Variants in ABCC8 observed in about 807,000 individuals in gnomAD.
ABCC8 encodes the protein ATP binding cassette subfamily C member 8, also known as ATP-binding cassette sub-family C member 8.
Under a neutral mutation model 188.0 loss-of-function variants are expected in ABCC8, and 137 were observed. The observed-to-expected ratio is 0.73, with a 90% confidence interval of 0.63 to 0.84. The LOEUF is 0.84. Among genes scored for constraint, ABCC8 ranks in the 40% least tolerant of loss-of-function variants. ABCC8 has a pLI of 0.00. For synonymous variants in ABCC8, 797 were observed against 846.5 expected (o/e 0.94, Z 1.01); for missense variants, 1,750 against 2,072.7 (o/e 0.84, Z 3.02).
intron 3 of ABCC8, among the ~76,000 whole-genome samples, chr11:17,467,106 A>G (rs1187433252): frequency 1.4e-5 from 2 of 146,938 alleles, no homozygotes; most frequent in South Asian, 2.1e-4. Context: ...TGCTGTTGGG[A>G]TAAAGGCAAA....
At chr11:17,410,124 C>T (rs774572532) in intron 22 of ABCC8, 12 of 169,248 alleles carry the variant, frequency 7.1e-5, no homozygotes, top group Admixed American at 1.2e-4. Context: ...TGCATCCATC[C>T]ACCCCGGGAA....
intron 16 of ABCC8, among the ~76,000 whole-genome samples, chr11:17,423,002 C>T (rs1036427324): frequency 6.6e-6 from 1 of 152,050 alleles, no homozygotes; most frequent in African/African-American, 2.4e-5. Flanking sequence ...CTCTCCTTGA[C>T]TGCAGAGTCA....
chr11:17,439,589 C>T (rs1434067884), intron 10 of ABCC8, among the ~76,000 whole-genome samples: 5 of 152,176 alleles, frequency 3.3e-5, no homozygotes, highest in South Asian at 2.1e-4. Flanking sequence ...CCCTACCACC[C>T]GTCTCTCTCC....
At chr11:17,413,660 A>T in intron 19 of ABCC8, 182 bp from the exon 20 acceptor site, 1 of 1,269,524 alleles carries the variant, frequency 7.9e-7, no homozygotes, top group Non-Finnish European at 1.1e-6. Flanking sequence ...TCAGCACTTC[A>T]CACAGCGTTT....
chr11:17,397,456 T>A, intron 31 of ABCC8, 143 bp from the exon 32 acceptor site: 1 of 1,507,968 alleles, frequency 6.6e-7, no homozygotes, highest in Non-Finnish European at 8.9e-7. Context: ...AGAGCAGCCC[T>A]CCCTGGAGGC....
rs190970928 is a variant in ABCC8, at chr11:17,454,744, G to A, written c.1012-1461C>T. On this transcript the variant is annotated intron_variant, in intron 6 of 38. Coordinates refer to ENST00000389817, the MANE Select transcript of ABCC8 (RefSeq NM_000352.6). The stretch of plus-strand genomic sequence containing the variant: ...AAAAGGAGTTTCAGTAGGGTTAGTG[G>A]CTGGCCCAAGGTCACATGCTGGTAA... Among the ~76,000 whole-genome samples the A allele has an allele frequency of 2.3e-4, 35 of 152,284 alleles. 1 individual carries two copies. The East Asian group carries it at 6.2e-3, about 27-fold the overall frequency.
At chr11:17,405,451 G>A (rs1954469079) in intron 27 of ABCC8, 43 bp downstream of exon 27, 1 of 1,613,640 alleles carries the variant, frequency 6.2e-7, no homozygotes, top group African/African-American at 1.3e-5. Flanking sequence ...AGGGGTCCGA[G>A]GTGTCTCTGG....
intron 29 of ABCC8, among the ~76,000 whole-genome samples, chr11:17,401,149 C>T (rs1954221076): frequency 6.6e-6 from 1 of 152,190 alleles, no homozygotes; most frequent in African/African-American, 2.4e-5. Flanking sequence ...CCCCAGGGCC[C>T]TCTGAGACAC....
At chr11:17,423,977 A>G (rs1226119823) in intron 16 of ABCC8, among the ~76,000 whole-genome samples, 1 of 152,202 alleles carries the variant, frequency 6.6e-6, no homozygotes, top group Non-Finnish European at 1.5e-5. Context: ...GGATATAATA[A>G]TATCTACTGC....
At chr11:17,408,878 A>T (rs1954669989) in intron 22 of ABCC8, among the ~76,000 whole-genome samples, 1 of 151,988 alleles carries the variant, frequency 6.6e-6, no homozygotes, top group Non-Finnish European at 1.5e-5. Flanking sequence ...CGGGTCTGGC[A>T]GCCTCCATCA....
chr11:17,420,347 C>G (rs529931911), intron 16 of ABCC8, among the ~76,000 whole-genome samples: 1 of 152,194 alleles, frequency 6.6e-6, no homozygotes, highest in African/African-American at 2.4e-5. Flanking sequence ...GTAACCTGCT[C>G]AAGGTCACAG....
chr11:17,408,164 T>C (rs1221422270), intron 23 of ABCC8: 5 of 474,374 alleles, frequency 1.1e-5, no homozygotes, highest in Non-Finnish European at 1.1e-5. Flanking sequence ...AACTAAATAG[T>C]ATCTGACTAC....
In ABCC8 at chr11:17,427,988, C is replaced by A; in HGVS notation, c.2041-46G>T. On this transcript the variant is annotated intron_variant, in intron 14 of 38. Coordinates refer to ENST00000389817, the MANE Select transcript of ABCC8 (RefSeq NM_000352.6). This position sits in a 1 kb window ranked among gnomAD's most constrained non-coding sequence, Gnocchi z 5.0. ...CGCCCAGGAGAGAACAGAAAGGCAG[C>A]CAGTTCCCAGTGAATAGTCTCTGGC... 1.2e-6 allele frequency: 2 copies of A among 1,601,958 alleles called. No individual in the cohort carries two copies. The highest frequency in any genetic ancestry group is 1.7e-6 in the Non-Finnish European group (2 of 1,174,048).
rs112901773 is a variant in ABCC8 at position 17,394,075 on chromosome 11, C to T, written c.4545+191G>A. 6.4e-3 allele frequency among the ~76,000 whole-genome samples: 971 copies of T among 152,030 alleles called. 7 individuals carry two copies. The highest frequency in any genetic ancestry group is 0.017 in the African/African-American group (695 of 41,450). ...TGTTTGCATAGTGTTTTTGTGTGTG[C>T]GTGTGTGTGTGTAACATTCCCTAAG... On this transcript the variant is annotated intron_variant, in intron 37 of 38. Coordinates refer to ENST00000389817, the MANE Select transcript of ABCC8 (RefSeq NM_000352.6).
In ABCC8 at chr11:17,461,596, A is replaced by G. The variant is rs1318975684; in HGVS notation, c.809T>C (p.Phe270Ser). ...GCCCCCACTGACCACCTGGGCGTCA[A>G]AGGCCTCGCAGAGCCGTTGGTAGTT... is the stretch of plus-strand genomic sequence containing the variant. Reference protein sequence around the residue: ...LTNYQRLCEAFDAQVRKDIQG... With the variant: ...LTNYQRLCEASDAQVRKDIQG... The change falls in exon 5 of 39, where the codon TTT becomes TCT. Residue 270 changes from phenylalanine to serine, a missense_variant. Phe to Ser is a radical substitution (Grantham distance 155). Transcript: ENST00000389817. 1 of 1,614,236 alleles carries G rather than the reference A, an allele frequency of 6.2e-7. No homozygotes were observed. The highest frequency in any genetic ancestry group is 8.5e-7 in the Non-Finnish European group (1 of 1,180,044).
At chr11:17,395,382 C>A in intron 35 of ABCC8, 107 bp from the exon 36 acceptor site, 3 of 1,539,018 alleles carry the variant, frequency 1.9e-6, no homozygotes, top group Middle Eastern at 1.8e-4. Context: ...GGAGGTCTGG[C>A]TGGGAGAAGC....
At chr11:17,440,688 C>T (rs11828717) in intron 10 of ABCC8, among the ~76,000 whole-genome samples, 2,769 of 152,328 alleles carry the variant, frequency 0.018, 84 homozygotes, top group African/African-American at 0.063. Flanking sequence ...GTATGGCAGA[C>T]GGCCCAGCCA....
intron 19 of ABCC8, among the ~76,000 whole-genome samples, 162 bp downstream of exon 19, chr11:17,414,350 C>G (rs1174480988): frequency 6.6e-6 from 1 of 152,172 alleles, no homozygotes; most frequent in Admixed American, 6.5e-5. Context: ...CACACCTGGC[C>G]CCTCTCCAGG....
Position 17,476,626 on chromosome 11 carries a change from C to T in ABCC8, c.148+3G>A, listed in dbSNP as rs996321405. ...TCCTCCGCGGCTCGCTGCGCGCACT[C>T]ACCAATGAAGAGGATGGGGAAGGTG... On this transcript the variant is annotated splice_donor_region_variant and intron_variant, in intron 1 of 38. Coordinates refer to ENST00000389817, the MANE Select transcript of ABCC8 (RefSeq NM_000352.6). 1.9e-6 allele frequency: 3 copies of T among 1,611,556 alleles called. No individual in the cohort carries two copies. The highest frequency in any genetic ancestry group is 1.6e-4 in the Middle Eastern group (1 of 6,078).
Sources: allele counts gnomAD v4.1 joint callset (sites outside exome capture counted in the v4.1 genomes callset), GRCh38; gene constraint gnomAD v4.1.1; non-coding constraint Gnocchi (gnomAD v3.1); transcripts MANE v1.5; gene names NCBI Gene and HGNC (gene_info 2026-07-23, HGNC 2026-07-21).